The following STK4 variants were observed in gnomAD, a reference collection of about 807,000 sequenced individuals.
STK4 encodes the protein serine/threonine-protein kinase 4.
In STK4, 30 loss-of-function variants were observed where a neutral mutation model predicts 64.9. That is an observed-to-expected ratio of 0.46 (90% CI 0.35 to 0.63). The LOEUF (loss-of-function observed/expected upper bound fraction) is 0.63, where lower values mean the gene tolerates loss of function less well. Among genes scored for constraint, STK4 ranks in the 20% least tolerant of loss-of-function variants. The pLI, the probability that STK4 is intolerant of heterozygous loss-of-function variation, is 0.01. For synonymous variants in STK4, 177 were observed against 199.0 expected, an observed-to-expected ratio of 0.89 and a Z score of 0.93; for missense variants, 466 against 598.5, an observed-to-expected ratio of 0.78 and a Z score of 2.31.
intron 5 of STK4, 108 bp downstream of exon 5, chr20:44,987,404 A>G (rs546312772): frequency 3.1e-4 from 339 of 1,100,200 alleles, no homozygotes; most frequent in South Asian, 2.7e-3. Context: ...TTGTATTAGT[A>G]AAAAATCACA....
chr20:45,050,213 C>T (rs1474138091), intron 10 of STK4, among the ~76,000 whole-genome samples: 1 of 152,152 alleles, frequency 6.6e-6, no homozygotes, highest in Non-Finnish European at 1.5e-5. Flanking sequence ...CCAGTTTGGC[C>T]TGTGGCACAT....
At chr20:44,988,982 C>T (rs1307583413) in intron 5 of STK4, among the ~76,000 whole-genome samples, 1 of 152,030 alleles carries the variant, frequency 6.6e-6, no homozygotes, top group Non-Finnish European at 1.5e-5. Context: ...CTTTTTATTG[C>T]TCAGTAATAT....
At chr20:45,022,999 C>G (rs2068275911) in intron 9 of STK4, among the ~76,000 whole-genome samples, 1 of 152,174 alleles carries the variant, frequency 6.6e-6, no homozygotes, top group African/African-American at 2.4e-5. Context: ...AGAAGATACC[C>G]TCTTTTGTTT....
intron 5 of STK4, 133 bp downstream of exon 5, chr20:44,987,429 G>T (rs1248489030): frequency 3.4e-6 from 3 of 874,292 alleles, no homozygotes; most frequent in Non-Finnish European, 3.4e-6. Context: ...CTGCCAATAG[G>T]TTACAAAAGA....
intron 7 of STK4, among the ~76,000 whole-genome samples, chr20:44,997,754 A>G (rs988396465): frequency 2.6e-5 from 4 of 152,244 alleles, no homozygotes; most frequent in Admixed American, 1.3e-4. Context: ...GTTTGAATCT[A>G]TTTGAGTAGA....
chr20:45,041,442 A>G (rs1008665541), intron 10 of STK4, among the ~76,000 whole-genome samples: 1 of 152,136 alleles, frequency 6.6e-6, no homozygotes, highest in Non-Finnish European at 1.5e-5. Flanking sequence ...CTCCATAGCC[A>G]TACATAGAGA....
chr20:44,970,564 A>C (rs1175287594), intron 1 of STK4: 1 of 152,174 alleles, frequency 6.6e-6, no homozygotes. Context: ...TTCAGTTCTG[A>C]AGTTTAAGAG....
chr20:44,992,460 T>TC (rs2067652413), intron 5 of STK4, among the ~76,000 whole-genome samples: 1 of 151,856 alleles, frequency 6.6e-6, no homozygotes, highest in East Asian at 1.9e-4. Flanking sequence ...AGGCTCTCCC[T>TC]ATTTTACCCA....
intron 10 of STK4, among the ~76,000 whole-genome samples, chr20:45,046,036 A>C (rs1427743890): frequency 6.6e-6 from 1 of 151,974 alleles, no homozygotes; most frequent in African/African-American, 2.4e-5. Flanking sequence ...CAAACTCCTG[A>C]CCTCAGGTGA....
chr20:45,039,444 T>A (rs2068578335), intron 10 of STK4, among the ~76,000 whole-genome samples: 1 of 152,122 alleles, frequency 6.6e-6, no homozygotes, highest in South Asian at 2.1e-4. Context: ...ATTTGAAGGT[T>A]TGAATTTTAT....
chr20:44,997,337 C>A, intron 7 of STK4, 31 bp downstream of exon 7: 1 of 1,554,138 alleles, frequency 6.4e-7, no homozygotes, highest in South Asian at 1.2e-5. Flanking sequence ...CCATCTCGCT[C>A]CATTTCATTT....
intron 10 of STK4, among the ~76,000 whole-genome samples, chr20:45,033,447 G>A (rs967426416): frequency 6.6e-6 from 1 of 152,062 alleles, no homozygotes; most frequent in African/African-American, 2.4e-5. Context: ...GTTGATTTTT[G>A]TATACGGTTT....
chr20:45,061,872 C>CTTTTTTTT (rs71197598), intron 10 of STK4, among the ~76,000 whole-genome samples: 24 of 115,066 alleles, frequency 2.1e-4, no homozygotes, highest in East Asian at 7.2e-4. Context: ...TCTTCTTCTT[C>CTTTTTTTT]TTTTTTTTTT....
intron 5 of STK4, among the ~76,000 whole-genome samples, chr20:44,993,906 G>T (rs2067680979): frequency 6.6e-6 from 1 of 151,990 alleles, no homozygotes; most frequent in African/African-American, 2.4e-5. Flanking sequence ...TTGAACCCCA[G>T]GGGCGGAGGT....
rs148188928 is a variant in STK4 at position 44,994,954 on chromosome 20, C to A, written c.526-136C>A. 31 of 658,684 alleles carry A rather than the reference C, an allele frequency of 4.7e-5. No individual in the cohort carries two copies. In the East Asian group the frequency reaches 9.4e-4, roughly 20 times the overall value. 40.8% of individuals were successfully genotyped at this position (658,684 alleles called of 1,614,324 possible). A position where few individuals can be genotyped will look rare whatever the true frequency, so the allele number is the denominator to read the frequency against. ...TTTTATATGTATTTCAAGTACAAGG[C>A]ATTTTTTTATTGTTGGAAAAGCCTC... On this transcript the variant is annotated intron_variant, in intron 5 of 10. Transcript: ENST00000372806.
chr20:45,053,051 G>A, intron 10 of STK4: 2 of 1,482,666 alleles, frequency 1.3e-6, no homozygotes, highest in Non-Finnish European at 1.9e-6. Context: ...TTTGTGCTTT[G>A]GAATATAATG....
chr20:45,013,856 G>A (rs910550407), intron 9 of STK4, among the ~76,000 whole-genome samples: 3 of 152,000 alleles, frequency 2.0e-5, no homozygotes, highest in African/African-American at 7.2e-5. Flanking sequence ...TCACTGTGTG[G>A]TTGTGGGTTT....
At chr20:44,982,154 C>T (rs1022864629) in intron 4 of STK4, among the ~76,000 whole-genome samples, 62 of 148,376 alleles carry the variant, frequency 4.2e-4, no homozygotes, top group Admixed American at 1.1e-3. Context: ...CCCTGTCACC[C>T]AGGCTGGAGT....
intron 7 of STK4, among the ~76,000 whole-genome samples, chr20:44,997,918 T>G (rs2067765038): frequency 6.6e-6 from 1 of 151,960 alleles, no homozygotes; most frequent in South Asian, 2.1e-4. Flanking sequence ...CTGTGAAGGG[T>G]GGGTATTATT....
Sources: gnomAD v4.1 joint callset for allele counts (sites outside exome capture counted in the v4.1 genomes callset) on GRCh38, gnomAD v4.1.1 for gene constraint, MANE v1.5 for transcripts, NCBI Gene and HGNC (gene_info 2026-07-23, HGNC 2026-07-21) for gene names.